The following DSG2 variants were observed in gnomAD, a reference collection of about 807,000 sequenced individuals.
The protein encoded by DSG2 is desmoglein-2.
DSG2 carries 45 observed loss-of-function variants against 75.6 expected under a neutral mutation model. The observed-to-expected ratio is 0.60, with a 90% CI of 0.47 to 0.76. The LOEUF (loss-of-function observed/expected upper bound fraction) is 0.76, where lower values mean the gene tolerates loss of function less well. Among genes scored for constraint, DSG2 ranks in the 30% least tolerant of loss-of-function variants. DSG2 has a pLI of 0.00. For missense variants in DSG2, 1,267 were observed against 1,357.4 expected, an observed-to-expected ratio of 0.93 and a Z score of 1.05; for synonymous variants, 429 against 483.9, an observed-to-expected ratio of 0.89 and a Z score of 1.49.
chr18:31,520,471 C>T (rs1191422326), intron 3 of DSG2, among the ~76,000 whole-genome samples: 2 of 151,878 alleles, frequency 1.3e-5, no homozygotes, highest in South Asian at 2.1e-4. Context: ...CATTTTTTTC[C>T]CCCCAAAGCT....
In DSG2 at chr18:31,498,179, G is replaced by A. The variant is rs2072992870; in HGVS notation, c.-73G>A. 3 of 1,205,828 alleles carry A rather than the reference G, an allele frequency of 2.5e-6. No homozygotes were observed. In the East Asian group the frequency reaches 1.0e-4, roughly 41 times the overall value. The allele number at this position is 1,205,828 out of a possible 1,614,324, so 74.7% of individuals were successfully genotyped here. ...GCCGGGGGGAGGCCGGGGCCAGGGA[G>A]GAGCCGAGTGCGCGCTCGGGGCAGG... On this transcript the variant is annotated 5_prime_UTR_variant, in exon 1 of 15. Transcript: ENST00000261590.
intron 10 of DSG2, 99 bp downstream of exon 10, chr18:31,535,511 C>A: frequency 8.6e-7 from 1 of 1,165,188 alleles, no homozygotes; most frequent in Non-Finnish European, 1.2e-6. Flanking sequence ...AAAACCTAAT[C>A]TCGGCCGGGA....
Position 31,546,611 on chromosome 18 carries a change from G to A in DSG2, c.3225G>A (p.Thr1075=), listed in dbSNP as rs773954315. 1.2e-5 allele frequency: 20 copies of A among 1,614,040 alleles called. No individual in the cohort carries two copies. Among genetic ancestry groups the A allele is most frequent in the Middle Eastern group, 1.6e-4 (1 of 6,084 alleles). Residue 1075 remains threonine, a synonymous_variant, in exon 15 of 15, where the codon ACG becomes ACA. Transcript: ENST00000261590. ...ATTCTATGACGGCTAGGAACACCAC[G>A]GTGTCTGGAGCTGGAGTCCCTGGCC... The part of the protein sequence containing the change: ...TENSMTARNT[T]VSGAGVPGPL...
chr18:31,544,283 C>T (rs955731020), intron 14 of DSG2, among the ~76,000 whole-genome samples: 6 of 151,634 alleles, frequency 4.0e-5, no homozygotes, highest in African/African-American at 1.5e-4. Context: ...TAAAGAACTG[C>T]AGTCATACAA....
At chr18:31,514,248 C>T (rs1262754689) in intron 1 of DSG2, among the ~76,000 whole-genome samples, 1 of 152,148 alleles carries the variant, frequency 6.6e-6, no homozygotes, top group Non-Finnish European at 1.5e-5. Flanking sequence ...GAGAAAGGAA[C>T]TGCTGGTACT....
chr18:31,525,749 C>T (rs1301738043), intron 8 of DSG2, among the ~76,000 whole-genome samples: 1 of 152,118 alleles, frequency 6.6e-6, no homozygotes, highest in African/African-American at 2.4e-5. Context: ...TAGTATGAGG[C>T]TCACATTTGG....
At chr18:31,530,529 C>A (rs1195853211) in intron 8 of DSG2, among the ~76,000 whole-genome samples, 3 of 152,064 alleles carry the variant, frequency 2.0e-5, no homozygotes, top group East Asian at 1.9e-4. Flanking sequence ...GCAATCCTCC[C>A]ACCTCAGCCT....
rs2073332618 is a variant in DSG2, at chr18:31,548,746, GT to G, written c.*2005del. The G allele has an allele frequency of 6.6e-6, 1 of 152,016 alleles. No homozygotes were observed. Among genetic ancestry groups the G allele is most frequent in the Non-Finnish European group, 1.5e-5 (1 of 67,958 alleles). 9.4% of individuals were successfully genotyped at this position (152,016 alleles called of 1,614,324 possible). ...TCACATTTTCTAAATGATTTTCTTT[GT>G]TCCTGAAAAAGTGATTTGTATTAGT... On this transcript the variant is annotated 3_prime_UTR_variant, in exon 15 of 15. Coordinates refer to ENST00000261590, the MANE Select transcript of DSG2 (RefSeq NM_001943.5).
rs2073122227 is a variant in DSG2 at position 31,520,655 on chromosome 18, G to T, written c.217-148G>T. ...GTCCAAGTCATGTCATCTCTGGCCT[G>T]TATTACCAAAGAACTTCAGAAGGAA... On this transcript the variant is annotated intron_variant, in intron 3 of 14. Coordinates refer to ENST00000261590, the MANE Select transcript of DSG2 (RefSeq NM_001943.5). 5.1e-6 allele frequency: 4 copies of T among 791,982 alleles called. No homozygotes were observed. In the African/African-American group the frequency reaches 7.0e-5, roughly 14 times the overall value. The allele number at this position is 791,982 out of a possible 1,614,324, so 49.1% of individuals were successfully genotyped here.
chr18:31,544,404 G>A (rs114165162), intron 14 of DSG2, among the ~76,000 whole-genome samples: 2,178 of 152,198 alleles, frequency 0.014, 55 homozygotes, highest in African/African-American at 0.05. Context: ...TATACTTCAT[G>A]AAAATTTGTG....
chr18:31,507,224 A>G (rs2073043709), intron 1 of DSG2, among the ~76,000 whole-genome samples: 1 of 152,202 alleles, frequency 6.6e-6, no homozygotes, highest in African/African-American at 2.4e-5. Context: ...GATGGTTTCC[A>G]GCTTCATCCA....
intron 1 of DSG2, among the ~76,000 whole-genome samples, 155 bp downstream of exon 1, chr18:31,498,451 C>T (rs1315322144): frequency 6.6e-6 from 1 of 152,158 alleles, no homozygotes; most frequent in Non-Finnish European, 1.5e-5. Context: ...GCCGGGCAGG[C>T]TGCGGCGAGA....
rs2073318091 is a variant in DSG2, at chr18:31,547,082, C to T, written c.*339C>T. On this transcript the variant is annotated 3_prime_UTR_variant, in exon 15 of 15. Coordinates refer to ENST00000261590, the MANE Select transcript of DSG2 (RefSeq NM_001943.5). ...TGAACAGAGTACCTAGTTCATCAGC[C>T]GTCCAGTAAAGCAACCCAGGAAACT... 1 of 386,922 alleles carries T rather than the reference C, an allele frequency of 2.6e-6. No homozygotes were observed. The highest frequency in any genetic ancestry group is 4.9e-6 in the Non-Finnish European group (1 of 204,374). 24.0% of individuals were successfully genotyped at this position (386,922 alleles called of 1,614,324 possible). A position where few individuals can be genotyped will look rare whatever the true frequency, so the allele number is the denominator to read the frequency against.
intron 1 of DSG2, among the ~76,000 whole-genome samples, chr18:31,506,858 T>C (rs2073041332): frequency 6.6e-6 from 1 of 152,228 alleles, no homozygotes; most frequent in Non-Finnish European, 1.5e-5. Flanking sequence ...TGTATTTTAG[T>C]TAGTTTGCTT....
chr18:31,545,913 CA>C lies in DSG2; in HGVS notation c.2533del (p.Ile845Ter), dbSNP rs1375081885. 1.2e-6 allele frequency: 2 copies of C among 1,613,868 alleles called. No homozygotes were observed. Among genetic ancestry groups the C allele is most frequent in the African/African-American group, 1.3e-5 (1 of 74,946 alleles). On this transcript the variant is annotated frameshift_variant, in exon 15 of 15. Transcript: ENST00000261590. LOFTEE classifies it low-confidence loss of function (END_TRUNC). The part of the protein sequence containing the change: ...FKTLAEVCLG[Q>X]KIDINKEIEQ... The stretch of plus-strand genomic sequence containing the variant: ...GACACTAGCTGAAGTTTGCCTGGGT[CA>C]AAAAATAGATATAAATAAGGAAATT...
chr18:31,540,159 T>C (rs1476950876), intron 12 of DSG2, among the ~76,000 whole-genome samples: 1 of 152,082 alleles, frequency 6.6e-6, no homozygotes, highest in Non-Finnish European at 1.5e-5. Flanking sequence ...TGCACTTGAG[T>C]CATCCCAAAA....
intron 6 of DSG2, 66 bp downstream of exon 6, chr18:31,522,315 T>C (rs2073133734): frequency 7.0e-7 from 1 of 1,431,596 alleles, no homozygotes. Flanking sequence ...CCTCTCTTTT[T>C]CTTTTCTAAT....
At chr18:31,523,966 GAGA>G (rs1403094385) in intron 6 of DSG2, among the ~76,000 whole-genome samples, 1 of 152,214 alleles carries the variant, frequency 6.6e-6, no homozygotes, top group Non-Finnish European at 1.5e-5. Context: ...CCTCATGGAA[GAGA>G]AGAAGTGACA....
At chr18:31,512,660 C>G (rs541942908) in intron 1 of DSG2, among the ~76,000 whole-genome samples, 11 of 152,360 alleles carry the variant, frequency 7.2e-5, no homozygotes, top group Admixed American at 7.2e-4. Flanking sequence ...ATCATCATCA[C>G]TGATTCACCA....
Sources: gnomAD v4.1 joint callset for allele counts (sites outside exome capture counted in the v4.1 genomes callset) on GRCh38, gnomAD v4.1.1 for gene constraint, MANE v1.5 for transcripts, NCBI Gene and HGNC (gene_info 2026-07-23, HGNC 2026-07-21) for gene names.